ZDHHC20: variants seen among roughly 807,000 people sequenced by gnomAD.
ZDHHC20 encodes the protein palmitoyltransferase ZDHHC20.
A neutral mutation model predicts 57.8 loss-of-function variants in ZDHHC20; 43 were observed. The ratio of observed to expected loss-of-function variants is 0.74; its 90% CI spans 0.58 to 0.96. The LOEUF (loss-of-function observed/expected upper bound fraction) is 0.96, where lower values mean the gene tolerates loss of function less well. Ranked by LOEUF, ZDHHC20 falls within the 40% of genes least tolerant of loss-of-function variation. ZDHHC20 has a pLI of 0.00. For synonymous variants in ZDHHC20, 157 were observed against 153.0 expected (o/e 1.03, Z -0.19); for missense variants, 391 against 441.1 (o/e 0.89, Z 1.02).
At chr13:21,377,366 CGACG>C (rs2137606692) in intron 12 of ZDHHC20, among the ~76,000 whole-genome samples, 1 of 128,332 alleles carries the variant, frequency 7.8e-6, no homozygotes, top group African/African-American at 3.2e-5. Flanking sequence ...TGACTCTGCC[CGACG>C]TGACCTCCAC....
intron 1 of ZDHHC20, among the ~76,000 whole-genome samples, chr13:21,428,123 G>T (rs904229401): frequency 1.9e-4 from 29 of 152,320 alleles, no homozygotes; most frequent in Non-Finnish European, 2.8e-4. Context: ...TCTAACTACA[G>T]AGACAAAGAC....
intron 3 of ZDHHC20, among the ~76,000 whole-genome samples, chr13:21,415,295 G>A (rs1436625153): frequency 6.6e-6 from 1 of 152,160 alleles, no homozygotes; most frequent in Non-Finnish European, 1.5e-5. Context: ...ATATTACAGT[G>A]TAAAATAAAT....
chr13:21,416,594 A>G (rs1038194562), intron 3 of ZDHHC20, among the ~76,000 whole-genome samples: 1 of 152,242 alleles, frequency 6.6e-6, no homozygotes, highest in Non-Finnish European at 1.5e-5. Context: ...GAATCAGCAT[A>G]AAGTACAACA....
At chr13:21,399,695 T>A (rs967600195) in intron 7 of ZDHHC20, among the ~76,000 whole-genome samples, 3 of 152,190 alleles carry the variant, frequency 2.0e-5, no homozygotes, top group Non-Finnish European at 4.4e-5. Flanking sequence ...TTTTACTGCA[T>A]TCTTCCAGAT....
At chr13:21,407,572 T>G (rs1028556618) in intron 4 of ZDHHC20, among the ~76,000 whole-genome samples, 1 of 152,204 alleles carries the variant, frequency 6.6e-6, no homozygotes, top group Non-Finnish European at 1.5e-5. Flanking sequence ...ATTCTGTAGG[T>G]TGCCTGTTCA....
chr13:21,407,000 A>G (rs1292798926), intron 4 of ZDHHC20, among the ~76,000 whole-genome samples: 1 of 152,082 alleles, frequency 6.6e-6, no homozygotes, highest in African/African-American at 2.4e-5. Context: ...TCCCACAAAC[A>G]GTGTAAAAGT....
intron 9 of ZDHHC20, among the ~76,000 whole-genome samples, chr13:21,383,775 T>A (rs1873911191): frequency 6.6e-6 from 1 of 152,156 alleles, no homozygotes; most frequent in African/African-American, 2.4e-5. Flanking sequence ...TAGGTATTAT[T>A]TTAAGCACTA....
intron 10 of ZDHHC20, 94 bp downstream of exon 10, chr13:21,382,826 T>C (rs1471060959): frequency 1.4e-5 from 14 of 1,020,868 alleles, no homozygotes; most frequent in Non-Finnish European, 2.0e-5. Context: ...GCTTACTAAA[T>C]CACTACTGTA....
At position 21,378,688 on chromosome 13, in the gene ZDHHC20, G is replaced by T; in HGVS notation, c.*13C>A. 3 of 1,454,548 alleles carry T rather than the reference G, an allele frequency of 2.1e-6. No individual in the cohort carries two copies. The South Asian group carries it at 4.8e-5, about 23-fold the overall frequency. The allele number at this position is 1,454,548 out of a possible 1,614,324, so 90.1% of individuals were successfully genotyped here. Reference sequence around the variant, plus strand: ...TGCTCTTATTCAAATGGTTAGTTATGAACAAGTGGTACTCAATTTTCTATT... The same window carrying T: ...TGCTCTTATTCAAATGGTTAGTTATTAACAAGTGGTACTCAATTTTCTATT... On this transcript the variant is annotated 3_prime_UTR_variant, in exon 12 of 13. Transcript: ENST00000400590.
intron 1 of ZDHHC20, among the ~76,000 whole-genome samples, chr13:21,448,443 C>T (rs1593283796): frequency 9.3e-6 from 1 of 107,288 alleles, no homozygotes; most frequent in African/African-American, 3.1e-5. Flanking sequence ...GCCCGGCCAG[C>T]CGCCCCGTCC....
intron 7 of ZDHHC20, among the ~76,000 whole-genome samples, chr13:21,392,781 T>C (rs971887200): frequency 6.6e-6 from 1 of 152,190 alleles, no homozygotes; most frequent in African/African-American, 2.4e-5. Context: ...ACTATTAGCA[T>C]TAGGTTATTG....
intron 1 of ZDHHC20, among the ~76,000 whole-genome samples, chr13:21,455,163 C>T (rs993605896): frequency 9.9e-5 from 15 of 152,132 alleles, no homozygotes; most frequent in African/African-American, 3.4e-4. Flanking sequence ...TCGTGATCCG[C>T]CTGCCTTGGC....
At chr13:21,433,927 T>G (rs3847996) in intron 1 of ZDHHC20, among the ~76,000 whole-genome samples, 88,194 of 152,024 alleles carry the variant, frequency 0.58, 26,574 homozygotes, top group Non-Finnish European at 0.68. Context: ...AATTACTCAT[T>G]GCTATAGAAT....
chr13:21,385,136 T>C (rs1254754919), intron 9 of ZDHHC20, among the ~76,000 whole-genome samples: 1 of 151,804 alleles, frequency 6.6e-6, no homozygotes, highest in Non-Finnish European at 1.5e-5. Flanking sequence ...AGCTGAAAAA[T>C]ACAACATCTG....
chr13:21,422,658 C>T (rs1169810894), intron 2 of ZDHHC20, among the ~76,000 whole-genome samples: 2 of 152,248 alleles, frequency 1.3e-5, no homozygotes, highest in African/African-American at 4.8e-5. Flanking sequence ...TCAATAATTT[C>T]AATAATTATC....
At chr13:21,458,768 C>T (rs1282733231) in intron 1 of ZDHHC20, among the ~76,000 whole-genome samples, 1 of 152,206 alleles carries the variant, frequency 6.6e-6, no homozygotes, top group Admixed American at 6.5e-5. Context: ...GGATGCAGAC[C>T]CCCGGTGTCG....
chr13:21,408,805 A>G (rs1205755630), intron 4 of ZDHHC20, among the ~76,000 whole-genome samples: 1 of 152,116 alleles, frequency 6.6e-6, no homozygotes, highest in Admixed American at 6.5e-5. Flanking sequence ...TAGTTTATTG[A>G]GTGTTTTTAG....
intron 1 of ZDHHC20, among the ~76,000 whole-genome samples, chr13:21,430,395 G>T (rs937540503): frequency 2.6e-4 from 39 of 151,862 alleles, no homozygotes; most frequent in Non-Finnish European, 4.4e-4. Context: ...TGTTTGGGGT[G>T]GGGGGATGGA....
At chr13:21,380,729 T>C (rs1468769615) in intron 11 of ZDHHC20, among the ~76,000 whole-genome samples, 3 of 150,776 alleles carry the variant, frequency 2.0e-5, no homozygotes, top group Non-Finnish European at 3.0e-5. Context: ...GAGGCGGAGG[T>C]TGCAGTAAGC....
Sources: gnomAD v4.1 joint callset for allele counts (sites outside exome capture counted in the v4.1 genomes callset) on GRCh38, gnomAD v4.1.1 for gene constraint, MANE v1.5 for transcripts, NCBI Gene and HGNC (gene_info 2026-07-23, HGNC 2026-07-21) for gene names.